Variants in HKDC1 observed in about 807,000 individuals in gnomAD.
HKDC1 encodes the protein hexokinase HKDC1.
HKDC1 carries 66 observed loss-of-function variants against 96.6 expected under a neutral mutation model. The ratio of observed to expected loss-of-function variants is 0.68; its 90% CI spans 0.56 to 0.84. HKDC1 has a LOEUF of 0.84. Among genes scored for constraint, HKDC1 ranks in the 40% least tolerant of loss-of-function variants. The probability of loss-of-function intolerance (pLI) is 0.00; values close to 1 mark genes in which losing one functional copy is unlikely to be tolerated. For synonymous variants in HKDC1, 466 were observed against 473.1 expected (o/e 0.98, Z 0.20); for missense variants, 1,211 against 1,208.1 (o/e 1.00, Z -0.04).
intron 9 of HKDC1, 97 bp from the exon 10 acceptor site, chr10:69,248,327 C>A: frequency 2.3e-6 from 3 of 1,294,580 alleles, no homozygotes; most frequent in Non-Finnish European, 3.2e-6. Context: ...CCCCGCCCCG[C>A]AGGGCCCTCC....
In HKDC1 at chr10:69,247,520, C is replaced by T. The variant is rs200584895; in HGVS notation, c.1192C>T (p.Arg398Trp). ...AALAAILTRL[R>W]ENKKVERLRT... Reference sequence around the variant, plus strand: ...TCTGGCGGCCATCCTGACACGCCTCCGGGAGAACAAGAAGGTGGAACGGCT... The same window carrying T: ...TCTGGCGGCCATCCTGACACGCCTCTGGGAGAACAAGAAGGTGGAACGGCT... The change falls in exon 9 of 18, where the codon CGG becomes TGG. Residue 398 changes from arginine to tryptophan, a missense_variant. By Grantham distance (101) the Arg-to-Trp change is moderately radical (BLOSUM62 -3). Transcript: ENST00000354624. 1.9e-4 allele frequency: 309 copies of T among 1,614,128 alleles called. 1 individual carries two copies. The highest frequency in any genetic ancestry group is 4.3e-4 in the South Asian group (39 of 91,080).
chr10:69,266,865 T>A lies in HKDC1; in HGVS notation c.*108T>A. 1 of 1,154,548 alleles carries A rather than the reference T, an allele frequency of 8.7e-7. No individual in the cohort carries two copies. Among genetic ancestry groups the A allele is most frequent in the Non-Finnish European group, 1.2e-6 (1 of 817,198 alleles). 71.5% of individuals were successfully genotyped at this position (1,154,548 alleles called of 1,614,324 possible). On this transcript the variant is annotated 3_prime_UTR_variant, in exon 18 of 18. Transcript: ENST00000354624. The stretch of plus-strand genomic sequence containing the variant: ...CACCCTCCTGGCTGACCTCACCTTC[T>A]GGATGGCCGAAAGAGAACCCCAGGT...
chr10:69,225,267 T>G (rs1843136839), intron 1 of HKDC1, among the ~76,000 whole-genome samples: 1 of 152,236 alleles, frequency 6.6e-6, no homozygotes. Context: ...GGGCACTGTC[T>G]GAGAGCCCTT....
At position 69,265,736 on chromosome 10, in the gene HKDC1, G is replaced by A. The variant is rs1442064282; in HGVS notation, c.2524G>A (p.Glu842Lys). 1 of 1,612,748 alleles carries A rather than the reference G, an allele frequency of 6.2e-7. No individual in the cohort carries two copies. Among genetic ancestry groups the A allele is most frequent in the Non-Finnish European group, 8.5e-7 (1 of 1,179,646 alleles). Residue 842 changes from glutamate (E) to lysine (K), a missense_variant, in exon 17 of 18, where the codon GAA (glutamate) becomes AAA (lysine). Physicochemically the swap from Glu to Lys is moderately conservative, Grantham distance 56. Transcript: ENST00000354624. Reference protein sequence around the residue: ...LCGAGLAAIVEKRREDQGLEH... With the variant: ...LCGAGLAAIVKKRREDQGLEH... ...CGGTGCTGGCCTGGCCGCTATAGTGGAAAAAAGGAGAGAAGACCAGGGGCT... is the reference window on the plus strand; with the variant it reads ...CGGTGCTGGCCTGGCCGCTATAGTGAAAAAAAGGAGAGAAGACCAGGGGCT...
rs774312956 is a variant in HKDC1 at position 69,265,631 on chromosome 10, G to C, written c.2419G>C (p.Gly807Arg). The part of the protein sequence containing the change: ...LQVRRILQQL[G>R]LDSTCEDSIV... ...GGTCAGGAGGATTCTGCAGCAGCTG[G>C]GCCTGGACAGCACGTGTGAGGACAG... The change falls in exon 17 of 18, where the codon GGC becomes CGC. Residue 807 changes from glycine to arginine, a missense_variant. Coordinates refer to ENST00000354624, the MANE Select transcript of HKDC1 (RefSeq NM_025130.4). The C allele has an allele frequency of 1.7e-5, 27 of 1,613,824 alleles. No homozygotes were observed. In the South Asian group the frequency reaches 2.2e-4, roughly 13 times the overall value.
chr10:69,250,561 C>A lies in HKDC1; in HGVS notation c.1745C>A (p.Ala582Asp). ...ELFDHIVQCI[A>D]DFLDYMGLKG... ...TTTGATCACATTGTGCAGTGCATCG[C>A]CGACTTCCTGGACTACATGGGCCTC... Residue 582 changes from alanine to aspartate, a missense_variant, in exon 12 of 18, where the codon GCC (alanine) becomes GAC (aspartate). Transcript: ENST00000354624. The A allele has an allele frequency of 6.2e-7, 1 of 1,614,138 alleles. No homozygotes were observed. Among genetic ancestry groups the A allele is most frequent in the Non-Finnish European group, 8.5e-7 (1 of 1,180,016 alleles).
Position 69,265,811 on chromosome 10 carries a change from C to T in HKDC1, c.2599C>T (p.His867Tyr). 6.2e-7 allele frequency: 1 copy of T among 1,609,646 alleles called. No individual in the cohort carries two copies. ...TGTGGACGGCACCCTGTACAAGCTG[C>T]ACCCTCAGTGAGTGCCCACAAGAGG... ...VGVDGTLYKLHPHFSRILQET... is the reference protein window; with the variant it reads ...VGVDGTLYKLYPHFSRILQET... The change falls in exon 17 of 18, where the codon CAC (histidine) becomes TAC (tyrosine). Residue 867 changes from histidine (H) to tyrosine (Y), a missense_variant. Transcript: ENST00000354624.
chr10:69,233,995 G>A (rs1168397833), intron 4 of HKDC1, among the ~76,000 whole-genome samples: 4 of 152,062 alleles, frequency 2.6e-5, no homozygotes, highest in African/African-American at 7.2e-5. Flanking sequence ...CACCAGCTAG[G>A]CCGGGGTTCC....
intron 5 of HKDC1, among the ~76,000 whole-genome samples, chr10:69,239,390 C>T (rs1186493822): frequency 6.6e-6 from 1 of 152,214 alleles, no homozygotes; most frequent in Non-Finnish European, 1.5e-5. Flanking sequence ...TGGGCCTCCC[C>T]AGCAGCCACA....
chr10:69,233,198 G>A, intron 4 of HKDC1, 65 bp downstream of exon 4: 1 of 1,600,580 alleles, frequency 6.2e-7, no homozygotes, highest in African/African-American at 1.3e-5. Flanking sequence ...ACGGGTGGGA[G>A]TCAGGCTGCA....
intron 5 of HKDC1, among the ~76,000 whole-genome samples, chr10:69,239,410 G>C (rs528032712): frequency 2.0e-5 from 3 of 152,302 alleles, no homozygotes; most frequent in African/African-American, 4.8e-5. Flanking sequence ...AGCCCTCTCC[G>C]GAGGTCTTGG....
chr10:69,253,427 G>T (rs1288416142), intron 12 of HKDC1, among the ~76,000 whole-genome samples: 1 of 152,246 alleles, frequency 6.6e-6, no homozygotes, highest in African/African-American at 2.4e-5. Context: ...GAGAGGCCCA[G>T]TGTCCTTCCT....
rs781664510 is a variant in HKDC1, at chr10:69,248,743, CCTCCCTCTCTGAACAGCCATCCAGGG to C, written c.1570+21_1570+46del. ...GGACGGCACAGGTGGGCCAGCACAG[CCTCCCTCTCTGAACAGCCATCCAGGG>C]CTCCCGTCAAAACTCCTTAAAGCCA... On this transcript the variant is annotated intron_variant, in intron 10 of 17. Coordinates refer to ENST00000354624, the MANE Select transcript of HKDC1 (RefSeq NM_025130.4). 2.0e-5 allele frequency: 32 copies of C among 1,579,472 alleles called. No homozygotes were observed. The highest frequency in any genetic ancestry group is 2.8e-5 in the Non-Finnish European group (32 of 1,159,596).
intron 17 of HKDC1, 24 bp from the exon 18 acceptor site, chr10:69,266,586 G>T: frequency 6.2e-7 from 1 of 1,611,602 alleles, no homozygotes; most frequent in Non-Finnish European, 8.5e-7. Context: ...AAGGGCTGAT[G>T]ATGTTTCTTT....
At chr10:69,237,821 G>A (rs1034286351) in intron 4 of HKDC1, among the ~76,000 whole-genome samples, 1 of 95,870 alleles carries the variant, frequency 1.0e-5, no homozygotes, top group South Asian at 2.9e-4. Context: ...ACCTGCATTC[G>A]GCTTGGGCTC....
chr10:69,267,366 G>A lies in HKDC1; in HGVS notation c.*609G>A, dbSNP rs896251785. 5 of 411,304 alleles carry A rather than the reference G, an allele frequency of 1.2e-5. No individual in the cohort carries two copies. Among genetic ancestry groups the A allele is most frequent in the African/African-American group, 4.2e-5 (2 of 47,760 alleles). 25.5% of individuals were successfully genotyped at this position (411,304 alleles called of 1,614,324 possible). On this transcript the variant is annotated 3_prime_UTR_variant, in exon 18 of 18. Transcript: ENST00000354624. ...GCAGGAATCATTGCATGCTTAAAGC[G>A]AGTTATGTCAGCACCCTGTAGGATT...
intron 15 of HKDC1, among the ~76,000 whole-genome samples, chr10:69,259,189 C>T (rs1843770144): frequency 6.6e-6 from 1 of 152,170 alleles, no homozygotes; most frequent in Admixed American, 6.5e-5. Context: ...AGTGGTGGTT[C>T]TGGAAGTGAG....
chr10:69,245,737 C>T lies in HKDC1; in HGVS notation c.876-342C>T, dbSNP rs939655155. ...CCTGTCTGGGGCTGTCCAAGCCCAT[C>T]TCACAAGCACAGCATCTTTCTCTCT... On this transcript the variant is annotated intron_variant, in intron 7 of 17. Transcript: ENST00000354624. Among the ~76,000 whole-genome samples, 8 of 152,182 alleles carry T rather than the reference C, an allele frequency of 5.3e-5. 1 individual carries two copies. Among genetic ancestry groups the T allele is most frequent in the Non-Finnish European group, 7.3e-5 (5 of 68,042 alleles).
rs150227380 is a variant in HKDC1, at chr10:69,250,397, G to A, written c.1678G>A (p.Ala560Thr). The A allele has an allele frequency of 1.8e-5, 29 of 1,613,864 alleles. No individual in the cohort carries two copies. Among genetic ancestry groups the A allele is most frequent in the Admixed American group, 3.3e-5 (2 of 59,990 alleles). Residue 560 changes from alanine to threonine, a missense_variant, in exon 11 of 18, where the codon GCC (alanine) becomes ACC (threonine). Physicochemically the swap from Ala to Thr is moderately conservative, Grantham distance 58 (BLOSUM62 0). Transcript: ENST00000354624. The part of the protein sequence containing the change: ...RSVRMYNKIF[A>T]IPLEIMQGTG... ...AGTGCGAATGTACAACAAGATCTTCGCCATCCCCCTGGAGATCATGCAGGG... is the reference window on the plus strand; with the variant it reads ...AGTGCGAATGTACAACAAGATCTTCACCATCCCCCTGGAGATCATGCAGGG...
Sources: gnomAD v4.1 joint callset for allele counts (sites outside exome capture counted in the v4.1 genomes callset) on GRCh38, gnomAD v4.1.1 for gene constraint, MANE v1.5 for transcripts, NCBI Gene and HGNC (gene_info 2026-07-23, HGNC 2026-07-21) for gene names.